The following PODXL variants were observed in gnomAD, a reference collection of about 807,000 sequenced individuals.
The protein encoded by PODXL is podocalyxin.
PODXL carries 20 observed loss-of-function variants against 48.9 expected under a neutral mutation model. The ratio of observed to expected loss-of-function variants is 0.41; its 90% CI spans 0.29 to 0.59. The LOEUF (loss-of-function observed/expected upper bound fraction) is 0.59, where lower values mean the gene tolerates loss of function less well. Ranked by LOEUF, PODXL falls within the 20% of genes least tolerant of loss-of-function variation. The pLI is 0.31. For missense variants in PODXL, 606 were observed against 675.1 expected (o/e 0.90, Z 1.13); for synonymous variants, 295 against 287.4 (o/e 1.03, Z -0.27).
chr7:131,521,442 A>C (rs1584816594), intron 1 of PODXL, among the ~76,000 whole-genome samples: 1 of 151,518 alleles, frequency 6.6e-6, no homozygotes, highest in East Asian at 2.0e-4. Context: ...CCAAGGTTCA[A>C]GTGATTCTCC....
rs1419019369 is a variant in PODXL, at chr7:131,530,020, C to T, written c.101-18587G>A. On this transcript the variant is annotated intron_variant, in intron 1 of 8. Transcript: ENST00000378555. ...TTCCAAGGGCTGCCCAACCCTAACA[C>T]TCATTTTTCCAACATGTGGTATCTG... 2.0e-5 allele frequency among the ~76,000 whole-genome samples: 3 copies of T among 149,124 alleles called. No homozygotes were observed. In the East Asian group the frequency reaches 5.8e-4, roughly 29 times the overall value.
At position 131,504,567 on chromosome 7, in the gene PODXL, A is replaced by G. The variant is rs534281848; in HGVS notation, c.1480-59T>C. On this transcript the variant is annotated intron_variant, in intron 8 of 8. Coordinates refer to ENST00000378555, the MANE Select transcript of PODXL (RefSeq NM_001018111.3). ...TTTCAGAGGGCTCTGAGCTTAATAC[A>G]GCGCATGTACGTACCCCTCCCACTC... is the stretch of plus-strand genomic sequence containing the variant. 4.1e-5 allele frequency: 59 copies of G among 1,428,674 alleles called. No individual in the cohort carries two copies. The African/African-American group carries it at 7.4e-4, about 18-fold the overall frequency. 88.5% of individuals were successfully genotyped at this position (1,428,674 alleles called of 1,614,324 possible).
At chr7:131,519,356 G>A (rs1048429967) in intron 1 of PODXL, among the ~76,000 whole-genome samples, 4 of 152,052 alleles carry the variant, frequency 2.6e-5, no homozygotes, top group African/African-American at 9.7e-5. Flanking sequence ...GCATTCTGAG[G>A]GTGTGAGCCG....
In PODXL at chr7:131,509,560, A is replaced by G. The variant is rs761069679; in HGVS notation, c.828T>C (p.Thr276=). Residue 276 remains threonine (T), a synonymous_variant, in exon 4 of 9, where the codon ACT becomes ACC. Transcript: ENST00000378555. ...ITASSVISQR[T]QQTSSQMPAS... Reference sequence around the variant, plus strand: ...CTGGCATCTGACTGGAGGTCTGTTGAGTTCTTTGCGAGATAACCGATGACG... The same window carrying G: ...CTGGCATCTGACTGGAGGTCTGTTGGGTTCTTTGCGAGATAACCGATGACG... The G allele has an allele frequency of 6.4e-7, 1 of 1,568,926 alleles. No individual in the cohort carries two copies. Among genetic ancestry groups the G allele is most frequent in the South Asian group, 1.2e-5 (1 of 85,720 alleles).
At position 131,500,527 on chromosome 7, in the gene PODXL, A is replaced by G. The variant is rs1797681463; in HGVS notation, c.*3784T>C. 1 of 152,548 alleles carries G rather than the reference A, an allele frequency of 6.6e-6. No individual in the cohort carries two copies. Among genetic ancestry groups the G allele is most frequent in the Admixed American group, 6.5e-5 (1 of 15,280 alleles). The allele number at this position is 152,548 out of a possible 1,614,324, so 9.4% of individuals were successfully genotyped here. A position where few individuals can be genotyped will look rare whatever the true frequency, so the allele number is the denominator to read the frequency against. ...GCTGTGTTTGCAGCAGACCTGAGGG[A>G]TCAGCTAGTGACCGTGACAAAAGCT... On this transcript the variant is annotated 3_prime_UTR_variant, in exon 9 of 9. Transcript: ENST00000378555.
chr7:131,547,680 C>T (rs984039861), intron 1 of PODXL, among the ~76,000 whole-genome samples: 7 of 152,166 alleles, frequency 4.6e-5, no homozygotes, highest in African/African-American at 1.2e-4. Context: ...ACCTATCATA[C>T]GGAACAGTTA....
At chr7:131,540,697 C>T (rs772579347) in intron 1 of PODXL, among the ~76,000 whole-genome samples, 1 of 152,168 alleles carries the variant, frequency 6.6e-6, no homozygotes, top group Non-Finnish European at 1.5e-5. Context: ...GTTGTCTTTC[C>T]CACGCCACCT....
At chr7:131,533,079 G>A (rs1798310308) in intron 1 of PODXL, among the ~76,000 whole-genome samples, 1 of 152,192 alleles carries the variant, frequency 6.6e-6, no homozygotes, top group Non-Finnish European at 1.5e-5. Context: ...CGAGAACAGA[G>A]ACAGCAGGAA....
chr7:131,523,987 C>T (rs1244735173), intron 1 of PODXL, among the ~76,000 whole-genome samples: 3 of 151,780 alleles, frequency 2.0e-5, no homozygotes, highest in Non-Finnish European at 2.9e-5. Flanking sequence ...TTAGTAGAGA[C>T]GGGGTTTCAC....
chr7:131,509,263 G>T, intron 4 of PODXL, 102 bp downstream of exon 4: 2 of 1,002,576 alleles, frequency 2.0e-6, no homozygotes, highest in Non-Finnish European at 1.6e-6. Context: ...CAAAGCCCCA[G>T]CCAGGGGCCC....
rs918545237 is a variant in PODXL, at chr7:131,509,935, A to G, written c.802+301T>C. The stretch of plus-strand genomic sequence containing the variant: ...GTGATTTGCCCGAGTTCCTGTGCCA[A>G]CAATGGCAGGGCAGGGATTCGAAGC... On this transcript the variant is annotated intron_variant, in intron 3 of 8. Coordinates refer to ENST00000378555, the MANE Select transcript of PODXL (RefSeq NM_001018111.3). 2.6e-5 allele frequency among the ~76,000 whole-genome samples: 4 copies of G among 152,192 alleles called. No homozygotes were observed. In the East Asian group the frequency reaches 5.8e-4, roughly 22 times the overall value.
chr7:131,529,980 G>T (rs1239982944), intron 1 of PODXL, among the ~76,000 whole-genome samples: 1 of 86,374 alleles, frequency 1.2e-5, no homozygotes, highest in Non-Finnish European at 3.1e-5. Flanking sequence ...CTCCCTAGGG[G>T]TATAGGCGGG....
Position 131,556,244 on chromosome 7 carries a change from C to A in PODXL, c.100+16G>T. The A allele has an allele frequency of 6.8e-7, 1 of 1,467,810 alleles. No homozygotes were observed. Among genetic ancestry groups the A allele is most frequent in the East Asian group, 2.9e-5 (1 of 34,594 alleles). 90.9% of individuals were successfully genotyped at this position (1,467,810 alleles called of 1,614,324 possible). ...GCACGGTGGGAGTCCCGGCGGAACC[C>A]AGGCCGGCCACTCACCATTCTGGGA... On this transcript the variant is annotated intron_variant, in intron 1 of 8. Coordinates refer to ENST00000378555, the MANE Select transcript of PODXL (RefSeq NM_001018111.3).
intron 1 of PODXL, among the ~76,000 whole-genome samples, chr7:131,539,536 G>C (rs1324583912): frequency 6.6e-6 from 1 of 152,228 alleles, no homozygotes; most frequent in East Asian, 1.9e-4. Context: ...TCGCCACGTT[G>C]GCCAGGCTGG....
At chr7:131,554,009 G>A (rs1054891210) in intron 1 of PODXL, among the ~76,000 whole-genome samples, 3 of 152,180 alleles carry the variant, frequency 2.0e-5, no homozygotes, top group African/African-American at 4.8e-5. Flanking sequence ...AAGGTAAGCT[G>A]GGGGAGAGGG....
intron 1 of PODXL, among the ~76,000 whole-genome samples, chr7:131,513,615 G>A (rs961686310): frequency 1.3e-5 from 2 of 152,202 alleles, no homozygotes; most frequent in African/African-American, 2.4e-5. Context: ...CACCATGAAC[G>A]TGCAGTCTCA....
intron 1 of PODXL, among the ~76,000 whole-genome samples, chr7:131,532,903 C>T (rs1035476090): frequency 1.4e-4 from 21 of 152,156 alleles, no homozygotes; most frequent in African/African-American, 2.2e-4. Context: ...AGCCAGGAAA[C>T]GCCCTCGCCA....
rs117122654 is a variant in PODXL, at chr7:131,513,933, C to T, written c.101-2500G>A. Among the ~76,000 whole-genome samples, 185 of 152,260 alleles carry T rather than the reference C, an allele frequency of 1.2e-3. 2 individuals carry two copies. The highest frequency in any genetic ancestry group is 3.0e-3 in the Admixed American group (46 of 15,298). Reference sequence around the variant, plus strand: ...AAGACTTCAAGGATTGGTTGTCAGGCCTTACTGGGGACAAAGGGCAGTCAA... The same window carrying T: ...AAGACTTCAAGGATTGGTTGTCAGGTCTTACTGGGGACAAAGGGCAGTCAA... On this transcript the variant is annotated intron_variant, in intron 1 of 8. Transcript: ENST00000378555.
intron 1 of PODXL, among the ~76,000 whole-genome samples, chr7:131,540,053 T>A (rs1463310237): frequency 2.0e-5 from 3 of 152,140 alleles, no homozygotes; most frequent in Non-Finnish European, 4.4e-5. Flanking sequence ...TAATTTTTAA[T>A]CTTTTTAGAG....
Sources: allele counts gnomAD v4.1 joint callset (sites outside exome capture counted in the v4.1 genomes callset), GRCh38; gene constraint gnomAD v4.1.1; transcripts MANE v1.5; gene names NCBI Gene and HGNC (gene_info 2026-07-23, HGNC 2026-07-21).